Variants in VIT observed in about 807,000 individuals in gnomAD.
The protein encoded by VIT is vitrin.
VIT carries 99 observed loss-of-function variants against 78.0 expected under a neutral mutation model. The ratio of observed to expected loss-of-function variants is 1.27; its 90% CI spans 1.08 to 1.50. The LOEUF (loss-of-function observed/expected upper bound fraction) is 1.50, where lower values mean the gene tolerates loss of function less well. VIT is among the 40% of genes most tolerant of loss of function. The pLI, the probability that VIT is intolerant of heterozygous loss-of-function variation, is 0.00. For missense variants in VIT, 1,126 were observed against 875.3 expected, an observed-to-expected ratio of 1.29 and a Z score of -3.61; for synonymous variants, 374 against 334.3, an observed-to-expected ratio of 1.12 and a Z score of -1.29.
At position 36,808,930 on chromosome 2, in the gene VIT, C is replaced by T. The variant is rs145992321; in HGVS notation, c.1848C>T (p.Thr616=). ...AGAGGAAGTTAATGATCCTCATCAC[C>T]GACGGGAGGTCCTACGACGACGTCC... ...PNKRKLMILI[T]DGRSYDDVRI... The change falls in exon 15 of 16, where the codon ACC becomes ACT. Residue 616 remains threonine (T), a synonymous_variant. Coordinates refer to ENST00000379242, the MANE Select transcript of VIT (RefSeq NM_053276.4). 18 of 1,612,830 alleles carry T rather than the reference C, an allele frequency of 1.1e-5. No individual in the cohort carries two copies. The African/African-American group carries it at 1.5e-4, about 13-fold the overall frequency.
chr2:36,730,856 C>T (rs373428299), intron 3 of VIT, among the ~76,000 whole-genome samples: 4 of 152,162 alleles, frequency 2.6e-5, no homozygotes, highest in Admixed American at 6.5e-5. Context: ...AGGACTTTTA[C>T]GGACTCAGAA....
intron 14 of VIT, among the ~76,000 whole-genome samples, chr2:36,807,386 T>C (rs900252391): frequency 1.3e-5 from 2 of 152,120 alleles, no homozygotes; most frequent in African/African-American, 4.8e-5. Context: ...CAGCACCGCC[T>C]CTGTCTCCTG....
chr2:36,703,958 C>G (rs536371615), intron 1 of VIT, among the ~76,000 whole-genome samples: 2 of 132,486 alleles, frequency 1.5e-5, no homozygotes, highest in African/African-American at 5.5e-5. Context: ...TGGAGACTCA[C>G]TCTGTCGCCA....
chr2:36,772,149 C>G (rs1381673633), intron 7 of VIT, among the ~76,000 whole-genome samples: 2 of 152,098 alleles, frequency 1.3e-5, no homozygotes, highest in African/African-American at 4.8e-5. Flanking sequence ...GCTCATGCCT[C>G]CCTAATTCCA....
intron 3 of VIT, 60 bp downstream of exon 3, chr2:36,729,551 T>C: frequency 6.5e-7 from 1 of 1,527,330 alleles, no homozygotes; most frequent in Non-Finnish European, 8.9e-7. Flanking sequence ...TGGAGGGTTA[T>C]TATACTTGTT....
At chr2:36,699,650 A>T (rs946183471) in intron 1 of VIT, among the ~76,000 whole-genome samples, 12 of 151,706 alleles carry the variant, frequency 7.9e-5, no homozygotes, top group Non-Finnish European at 1.8e-4. Flanking sequence ...AGATAGATAG[A>T]TAGATAGATA....
At chr2:36,705,530 C>G (rs1033140674) in intron 1 of VIT, among the ~76,000 whole-genome samples, 9 of 152,114 alleles carry the variant, frequency 5.9e-5, no homozygotes, top group South Asian at 2.1e-4. Context: ...GGTTTTCTGA[C>G]ATGTAGAAAC....
intron 12 of VIT, among the ~76,000 whole-genome samples, chr2:36,796,369 C>A (rs1665902536): frequency 6.6e-6 from 1 of 152,160 alleles, no homozygotes; most frequent in African/African-American, 2.4e-5. Flanking sequence ...TCACAGGAAC[C>A]AAACCTTGTA....
chr2:36,747,785 T>A (rs1668228353), intron 4 of VIT, among the ~76,000 whole-genome samples: 1 of 152,172 alleles, frequency 6.6e-6, no homozygotes, highest in Non-Finnish European at 1.5e-5. Flanking sequence ...GGTTTCGACC[T>A]GATCATAATG....
intron 15 of VIT, among the ~76,000 whole-genome samples, chr2:36,813,577 A>G (rs1323021616): frequency 6.6e-6 from 1 of 152,166 alleles, no homozygotes; most frequent in Non-Finnish European, 1.5e-5. Flanking sequence ...ATGTTGGAAC[A>G]CATGCTGGGG....
intron 1 of VIT, among the ~76,000 whole-genome samples, chr2:36,702,577 T>A (rs988682381): frequency 6.6e-6 from 1 of 152,170 alleles, no homozygotes; most frequent in South Asian, 2.1e-4. Flanking sequence ...GGGGGCATGA[T>A]TGAATTTTCT....
Position 36,738,876 on chromosome 2 carries a change from GT to G in VIT, c.119-4219del, listed in dbSNP as rs201974008. Reference sequence around the variant, plus strand: ...TAATGGCAGCAAAAACCTAGTGGTGGTTTTTGAGCAAAGATTCAATGTGATC... The same window carrying G: ...TAATGGCAGCAAAAACCTAGTGGTGGTTTTGAGCAAAGATTCAATGTGATC... On this transcript the variant is annotated intron_variant, in intron 3 of 15. Coordinates refer to ENST00000379242, the MANE Select transcript of VIT (RefSeq NM_053276.4). 8.7e-3 allele frequency among the ~76,000 whole-genome samples: 1,326 copies of G among 152,288 alleles called. 17 individuals carry two copies. Among genetic ancestry groups the G allele is most frequent in the African/African-American group, 0.03 (1,239 of 41,554 alleles).
chr2:36,789,437 C>A (rs1215904916), intron 12 of VIT, among the ~76,000 whole-genome samples: 1 of 152,134 alleles, frequency 6.6e-6, no homozygotes, highest in Non-Finnish European at 1.5e-5. Context: ...TCTCAGGGTC[C>A]CAAGGAGGTG....
intron 1 of VIT, among the ~76,000 whole-genome samples, chr2:36,704,753 C>T (rs79782259): frequency 1.3e-5 from 2 of 152,038 alleles, no homozygotes; most frequent in South Asian, 2.1e-4. Context: ...TGAGAGGGAG[C>T]CCCATGTCTG....
chr2:36,811,676 T>A (rs1667182025), intron 15 of VIT, among the ~76,000 whole-genome samples: 1 of 151,464 alleles, frequency 6.6e-6, no homozygotes, highest in Non-Finnish European at 1.5e-5. Context: ...CTTTCTTTTT[T>A]TTTTTTTTCT....
chr2:36,777,020 C>T lies in VIT; in HGVS notation c.802+1953C>T, dbSNP rs941345688. ...AGGAGAATGGCATGAACCCAGGAGG[C>T]GGAGCTTGCAGTGAGCCGAGATCAC... On this transcript the variant is annotated intron_variant, in intron 9 of 15. Transcript: ENST00000379242. Among the ~76,000 whole-genome samples, 592 of 146,952 alleles carry T rather than the reference C, an allele frequency of 4.0e-3. 9 individuals carry two copies. The highest frequency in any genetic ancestry group is 0.014 in the African/African-American group (556 of 40,992).
At chr2:36,705,464 AAC>A (rs1432758313) in intron 1 of VIT, among the ~76,000 whole-genome samples, 11 of 152,208 alleles carry the variant, frequency 7.2e-5, no homozygotes, top group Non-Finnish European at 1.6e-4. Context: ...TCAGGTTCCT[AAC>A]ACAGTACAAA....
chr2:36,803,007 T>G (rs1666442094), intron 13 of VIT, among the ~76,000 whole-genome samples: 1 of 152,204 alleles, frequency 6.6e-6, no homozygotes, highest in Admixed American at 6.5e-5. Flanking sequence ...TTTCTGAATT[T>G]TGCCATGGCA....
intron 3 of VIT, among the ~76,000 whole-genome samples, chr2:36,734,336 A>G (rs980174407): frequency 2.0e-5 from 3 of 152,204 alleles, no homozygotes; most frequent in African/African-American, 7.2e-5. Context: ...TTCACAACCC[A>G]GAAGTCTTAA....
Sources: allele counts gnomAD v4.1 joint callset (sites outside exome capture counted in the v4.1 genomes callset), GRCh38; gene constraint gnomAD v4.1.1; transcripts MANE v1.5; gene names NCBI Gene and HGNC (gene_info 2026-07-23, HGNC 2026-07-21).